SAMMSON: variants seen among roughly 807,000 people sequenced by gnomAD.
The protein encoded by SAMMSON is survival associated mitochondrial melanoma specific oncogenic non-coding RNA, also known as long intergenic non-protein coding RNA 1212.
At chr3:70,190,228 A>G (rs1310344485) in intron 4 of SAMMSON, among the ~76,000 whole-genome samples, 3 of 152,018 alleles carry the variant, frequency 2.0e-5, no homozygotes, top group Non-Finnish European at 4.4e-5. Context: ...TTTCTTTCCC[A>G]TCCATCTCTT....
At chr3:70,282,607 G>T (rs1680916237) in intron 6 of SAMMSON, among the ~76,000 whole-genome samples, 1 of 152,130 alleles carries the variant, frequency 6.6e-6, no homozygotes, top group Non-Finnish European at 1.5e-5. Context: ...TTCTATGCTG[G>T]AAATCCTTTC....
chr3:70,434,435 A>G (rs1701442324), intron 2 of SAMMSON, among the ~76,000 whole-genome samples: 5 of 152,228 alleles, frequency 3.3e-5, no homozygotes, highest in Admixed American at 3.3e-4. Context: ...TTATTGGCAT[A>G]TAAGAAAGCA....
At chr3:70,191,967 A>G (rs1051818957) in intron 4 of SAMMSON, among the ~76,000 whole-genome samples, 2 of 145,348 alleles carry the variant, frequency 1.4e-5, no homozygotes, top group African/African-American at 5.4e-5. Context: ...AAATACTTAA[A>G]TATTTTCTAT....
intron 3 of SAMMSON, among the ~76,000 whole-genome samples, chr3:70,044,754 A>G (rs1472769478): frequency 6.6e-6 from 1 of 151,410 alleles, no homozygotes; most frequent in Non-Finnish European, 1.5e-5. Flanking sequence ...CTTACAATAT[A>G]TATTACATAA....
intron 2 of SAMMSON, chr3:70,425,311 G>A (rs977957647): frequency 2.0e-5 from 3 of 152,076 alleles, no homozygotes; most frequent in East Asian, 1.9e-4. Flanking sequence ...GAAATTGAAC[G>A]AAGAAACTCC....
At chr3:70,395,331 C>CTTTTTTT (rs71126501) in intron 2 of SAMMSON, among the ~76,000 whole-genome samples, 13 of 113,678 alleles carry the variant, frequency 1.1e-4, no homozygotes, top group East Asian at 3.0e-4. Context: ...CTCTCTCTCT[C>CTTTTTTT]TTTTTTTTTT....
rs1163345850 is a variant in SAMMSON, at chr3:70,067,581, T to C, written n.418-3895T>C. Reference sequence around the variant, plus strand: ...CTTTTAGGGAAACACATTTCCATTGTAAAAGAAGATAAACTTTCAGGGAAA... The same window carrying C: ...CTTTTAGGGAAACACATTTCCATTGCAAAAGAAGATAAACTTTCAGGGAAA... On this transcript the variant is annotated intron_variant and non_coding_transcript_variant, in intron 3 of 9. Transcript: ENST00000642114. Among the ~76,000 whole-genome samples, 3 of 152,056 alleles carry C rather than the reference T, an allele frequency of 2.0e-5. No individual in the cohort carries two copies. In the East Asian group the frequency reaches 5.8e-4, roughly 29 times the overall value.
intron 7 of SAMMSON, among the ~76,000 whole-genome samples, chr3:70,338,732 C>G (rs1702686047): frequency 6.6e-6 from 1 of 152,100 alleles, no homozygotes; most frequent in Non-Finnish European, 1.5e-5. Flanking sequence ...CTACAAACCA[C>G]TGCTCAAGGA....
intron 2 of SAMMSON, among the ~76,000 whole-genome samples, chr3:70,396,021 T>C (rs1427083914): frequency 6.6e-6 from 1 of 152,184 alleles, no homozygotes; most frequent in African/African-American, 2.4e-5. Flanking sequence ...ACAAGGCATC[T>C]AGCTCATGAG....
At chr3:70,248,179 A>G (rs966865145) in intron 4 of SAMMSON, among the ~76,000 whole-genome samples, 43 of 152,222 alleles carry the variant, frequency 2.8e-4, no homozygotes, top group Admixed American at 2.2e-3. Context: ...TAGGACAGAA[A>G]CATGAGTAAG....
At chr3:70,039,437 C>G (rs1251961986) in intron 3 of SAMMSON, among the ~76,000 whole-genome samples, 1 of 152,046 alleles carries the variant, frequency 6.6e-6, no homozygotes, top group African/African-American at 2.4e-5. Flanking sequence ...ATACTGGTCT[C>G]TCCAAGCAAG....
chr3:70,019,658 A>C (rs1259433375), intron 3 of SAMMSON, among the ~76,000 whole-genome samples: 2 of 152,084 alleles, frequency 1.3e-5, no homozygotes, highest in Non-Finnish European at 2.9e-5. Flanking sequence ...TCGTCAGTTG[A>C]TGCAGTTTCT....
intron 6 of SAMMSON, among the ~76,000 whole-genome samples, chr3:70,285,386 C>A (rs1161160442): frequency 1.3e-5 from 2 of 151,970 alleles, no homozygotes; most frequent in Non-Finnish European, 2.9e-5. Flanking sequence ...AGGACATGAA[C>A]TCATCAGTTT....
intron 4 of SAMMSON, among the ~76,000 whole-genome samples, chr3:70,185,291 G>T (rs1701083878): frequency 6.6e-6 from 1 of 152,076 alleles, no homozygotes; most frequent in South Asian, 2.1e-4. Context: ...TTATCCCATG[G>T]AAATAAGAAA....
chr3:70,240,217 G>A (rs911865972), intron 4 of SAMMSON, among the ~76,000 whole-genome samples: 4 of 151,980 alleles, frequency 2.6e-5, no homozygotes, highest in African/African-American at 9.7e-5. Flanking sequence ...CTTGGTAACA[G>A]AGCCATCCTG....
chr3:70,005,817 G>A (rs1009518774), intron 1 of SAMMSON, among the ~76,000 whole-genome samples: 2 of 152,108 alleles, frequency 1.3e-5, no homozygotes, highest in Non-Finnish European at 2.9e-5. Flanking sequence ...GCATAAATTA[G>A]AACATGAGTT....
intron 4 of SAMMSON, among the ~76,000 whole-genome samples, chr3:70,079,863 G>A (rs2067261743): frequency 6.6e-6 from 1 of 152,100 alleles, no homozygotes; most frequent in Non-Finnish European, 1.5e-5. Flanking sequence ...AGTGCACCAA[G>A]CCCCCAGCTG....
intron 4 of SAMMSON, among the ~76,000 whole-genome samples, chr3:70,163,131 T>C (rs1024179657): frequency 6.7e-6 from 1 of 149,604 alleles, no homozygotes; most frequent in South Asian, 2.1e-4. Flanking sequence ...ATGCTTAATC[T>C]ATTCACATTC....
At chr3:70,003,043 G>A (rs1199486078) in intron 1 of SAMMSON, among the ~76,000 whole-genome samples, 2 of 152,076 alleles carry the variant, frequency 1.3e-5, no homozygotes, top group African/African-American at 2.4e-5. Context: ...GTTGTTAGGT[G>A]CATACAAATT....
Sources: allele counts gnomAD v4.1 joint callset (sites outside exome capture counted in the v4.1 genomes callset), GRCh38; gene constraint gnomAD v4.1.1; transcripts MANE v1.5; gene names NCBI Gene and HGNC (gene_info 2026-07-23, HGNC 2026-07-21).